CDH13: variants seen among roughly 807,000 people sequenced by gnomAD.
CDH13 encodes cadherin 13, also known as cadherin-13.
A neutral mutation model predicts 63.8 loss-of-function variants in CDH13; 24 were observed. That is an observed-to-expected ratio of 0.38 (90% confidence interval 0.27 to 0.53). The LOEUF (loss-of-function observed/expected upper bound fraction) is 0.53. CDH13 is among the 20% of genes least tolerant of loss of function. CDH13 has a pLI of 0.85. For missense variants in CDH13, 1,049 were observed against 903.1 expected (o/e 1.16, Z -2.07); for synonymous variants, 503 against 355.3 (o/e 1.42, Z -4.67).
chr16:83,602,131 AAAAAAAAAAAAACC>A (rs1169444239), intron 7 of CDH13, among the ~76,000 whole-genome samples: 1,568 of 100,460 alleles, frequency 0.016, 53 homozygotes, highest in African/African-American at 0.059. Context: ...AAAAAAAAAA[AAAAAAAAAAAAACC>A]CAAAGGACAA....
chr16:82,887,464 C>G (rs1292066711), intron 2 of CDH13, among the ~76,000 whole-genome samples: 1 of 152,136 alleles, frequency 6.6e-6, no homozygotes, highest in Non-Finnish European at 1.5e-5. Context: ...TTTTCCACCC[C>G]AGAGTCCTGG....
At chr16:82,738,584 T>C (rs2033792435) in intron 1 of CDH13, among the ~76,000 whole-genome samples, 1 of 152,206 alleles carries the variant, frequency 6.6e-6, no homozygotes, top group African/African-American at 2.4e-5. Flanking sequence ...TACACTTTTC[T>C]CCATGCTGTA....
At chr16:83,182,929 T>G (rs1222583751) in intron 4 of CDH13, among the ~76,000 whole-genome samples, 1 of 152,218 alleles carries the variant, frequency 6.6e-6, no homozygotes, top group East Asian at 1.9e-4. Context: ...TCCTCTTGTA[T>G]TAGATGTTCA....
intron 2 of CDH13, among the ~76,000 whole-genome samples, chr16:82,860,148 T>A (rs1175879788): frequency 6.6e-6 from 1 of 152,162 alleles, no homozygotes; most frequent in Non-Finnish European, 1.5e-5. Flanking sequence ...TCCAAGTGAT[T>A]ATCCCAAATG....
intron 1 of CDH13, among the ~76,000 whole-genome samples, chr16:82,709,140 C>T (rs2031723576): frequency 6.6e-6 from 1 of 152,168 alleles, no homozygotes; most frequent in Non-Finnish European, 1.5e-5. Context: ...CAATTCTATC[C>T]AGTTTTCCAC....
chr16:83,512,089 A>C (rs958328969), intron 7 of CDH13, among the ~76,000 whole-genome samples: 3 of 152,042 alleles, frequency 2.0e-5, no homozygotes, highest in Non-Finnish European at 2.9e-5. Context: ...TGGGAGGCCG[A>C]GGCGGGCGGA....
chr16:83,513,791 C>T (rs118047548), intron 7 of CDH13, among the ~76,000 whole-genome samples: 7,992 of 152,120 alleles, frequency 0.053, 278 homozygotes, highest in South Asian at 0.11. Context: ...GGTGGGGACA[C>T]GGCCAAACCT....
chr16:82,909,399 T>G (rs980376358), intron 2 of CDH13, among the ~76,000 whole-genome samples: 1 of 152,096 alleles, frequency 6.6e-6, no homozygotes, highest in African/African-American at 2.4e-5. Flanking sequence ...CTATATGAAT[T>G]TTTCTGAAAT....
chr16:83,731,532 T>G (rs1018499070), intron 10 of CDH13, among the ~76,000 whole-genome samples: 5 of 152,244 alleles, frequency 3.3e-5, no homozygotes, highest in Non-Finnish European at 5.9e-5. Context: ...GTTGAGTTGT[T>G]AAAGTTACTT....
chr16:83,401,114 G>A (rs2091961677), intron 6 of CDH13, among the ~76,000 whole-genome samples: 1 of 152,114 alleles, frequency 6.6e-6, no homozygotes, highest in Admixed American at 6.5e-5. Flanking sequence ...GCCGAGGTGG[G>A]TGGATCACCT....
chr16:82,945,109 G>A (rs1483121896), intron 2 of CDH13, among the ~76,000 whole-genome samples: 2 of 152,094 alleles, frequency 1.3e-5, no homozygotes, highest in Admixed American at 6.6e-5. Flanking sequence ...ACAGTGTAGA[G>A]AAAGCTTTTA....
At chr16:83,308,072 A>T (rs1178787697) in intron 5 of CDH13, among the ~76,000 whole-genome samples, 2 of 152,224 alleles carry the variant, frequency 1.3e-5, no homozygotes, top group Non-Finnish European at 2.9e-5. Context: ...TAAAAGCTCT[A>T]AAATATGCTT....
intron 1 of CDH13, among the ~76,000 whole-genome samples, chr16:82,834,809 C>G (rs1359772333): frequency 6.6e-6 from 1 of 152,216 alleles, no homozygotes. Context: ...CCAAATCCAG[C>G]CTGCCACTTG....
At chr16:83,095,462 C>G (rs1344297542) in intron 3 of CDH13, among the ~76,000 whole-genome samples, 1 of 152,198 alleles carries the variant, frequency 6.6e-6, no homozygotes, top group Non-Finnish European at 1.5e-5. Context: ...TGAATCATAC[C>G]TATCCTCACC....
At chr16:83,130,418 C>T (rs1322700416) in intron 4 of CDH13, among the ~76,000 whole-genome samples, 2 of 152,140 alleles carry the variant, frequency 1.3e-5, no homozygotes, top group African/African-American at 4.8e-5. Context: ...AATACTCTTC[C>T]GTGGAATGAA....
chr16:82,779,331 T>C (rs940438355), intron 1 of CDH13, among the ~76,000 whole-genome samples: 1 of 152,166 alleles, frequency 6.6e-6, no homozygotes, highest in Non-Finnish European at 1.5e-5. Flanking sequence ...CAGTGCACTT[T>C]GCCACTTCAC....
At chr16:83,040,126 A>C (rs1435497083) in intron 3 of CDH13, among the ~76,000 whole-genome samples, 2 of 151,884 alleles carry the variant, frequency 1.3e-5, no homozygotes, top group Admixed American at 6.6e-5. Flanking sequence ...CCACCTTGGC[A>C]TGAATCCCAG....
intron 6 of CDH13, among the ~76,000 whole-genome samples, chr16:83,403,002 C>A (rs553103020): frequency 1.3e-5 from 2 of 152,248 alleles, no homozygotes; most frequent in South Asian, 2.1e-4. Flanking sequence ...TGTCTGAGCT[C>A]CCCTAGCCAC....
chr16:83,064,287 T>G (rs1198558412), intron 3 of CDH13, among the ~76,000 whole-genome samples: 3 of 152,136 alleles, frequency 2.0e-5, no homozygotes, highest in African/African-American at 7.2e-5. Flanking sequence ...GAAAATCGCT[T>G]GAACCCGGGA....
Sources: gnomAD v4.1 joint callset for allele counts (sites outside exome capture counted in the v4.1 genomes callset) on GRCh38, gnomAD v4.1.1 for gene constraint, MANE v1.5 for transcripts, NCBI Gene and HGNC (gene_info 2026-07-23, HGNC 2026-07-21) for gene names.